ATP6V1E2: variants seen among roughly 807,000 people sequenced by gnomAD.
The protein encoded by ATP6V1E2 is ATPase H+ transporting V1 subunit E2, also known as V-type proton ATPase subunit E 2.
For synonymous variants in ATP6V1E2, 121 were observed against 104.2 expected (o/e 1.16, Z -0.98); for missense variants, 308 against 273.3 (o/e 1.13, Z -0.90).
intron 4 of ATP6V1E2, among the ~76,000 whole-genome samples, chr2:46,532,395 T>C (rs917133391): frequency 2.6e-5 from 4 of 152,100 alleles, no homozygotes; most frequent in Admixed American, 2.6e-4. Context: ...TTTGCTTTAT[T>C]TATGTATTTA....
At chr2:46,540,414 G>C (rs1181674310) in intron 2 of ATP6V1E2, among the ~76,000 whole-genome samples, 2 of 130,370 alleles carry the variant, frequency 1.5e-5, no homozygotes, top group Non-Finnish European at 3.1e-5. Flanking sequence ...GAGTGACAGA[G>C]AGACAGAGCA....
intron 2 of ATP6V1E2, among the ~76,000 whole-genome samples, chr2:46,540,911 G>T (rs1572725894): frequency 6.6e-6 from 1 of 152,076 alleles, no homozygotes; most frequent in Admixed American, 6.5e-5. Flanking sequence ...TTCCCCACTG[G>T]GAATGCTATG....
intron 4 of ATP6V1E2, among the ~76,000 whole-genome samples, chr2:46,516,493 G>C (rs1687715526): frequency 6.6e-6 from 1 of 152,224 alleles, no homozygotes; most frequent in Non-Finnish European, 1.5e-5. Context: ...CACTTTGGGA[G>C]GCTGAAGCAG....
chr2:46,520,684 C>G (rs1022041136), intron 4 of ATP6V1E2, among the ~76,000 whole-genome samples: 2 of 152,200 alleles, frequency 1.3e-5, no homozygotes, highest in African/African-American at 2.4e-5. Context: ...GGTCTGTTTT[C>G]CAGATACAAT....
At chr2:46,529,065 G>A (rs1667061388) in intron 4 of ATP6V1E2, among the ~76,000 whole-genome samples, 1 of 152,208 alleles carries the variant, frequency 6.6e-6, no homozygotes. Context: ...AGGAGCCCTG[G>A]GAAATAGCCC....
rs1469739618 is a variant in ATP6V1E2, at chr2:46,542,557, G to T, written c.-714C>A. 6.8e-6 allele frequency: 1 copy of T among 147,970 alleles called. No individual in the cohort carries two copies. Among genetic ancestry groups the T allele is most frequent in the Non-Finnish European group, 1.5e-5 (1 of 66,748 alleles). 9.2% of individuals were successfully genotyped at this position (147,970 alleles called of 1,614,324 possible). ...GGCTCGGGTGCGCCGGCAGGGCCGCGCGGCGGCAGCAGGCGGGGGCGCGTG... is the reference window on the plus strand; with the variant it reads ...GGCTCGGGTGCGCCGGCAGGGCCGCTCGGCGGCAGCAGGCGGGGGCGCGTG... On this transcript the variant is annotated 5_prime_UTR_variant, in exon 1 of 5. Coordinates refer to ENST00000522587, the MANE Select transcript of ATP6V1E2 (RefSeq NM_001318063.2).
intron 4 of ATP6V1E2, among the ~76,000 whole-genome samples, chr2:46,515,426 C>A (rs6719054): frequency 0.51 from 78,082 of 152,002 alleles, 20,356 homozygotes; most frequent in East Asian, 0.81. Flanking sequence ...AATTCATCAG[C>A]TTAAAGTAGA....
chr2:46,521,543 G>A (rs955167151), intron 4 of ATP6V1E2, among the ~76,000 whole-genome samples: 9 of 152,180 alleles, frequency 5.9e-5, no homozygotes, highest in African/African-American at 2.2e-4. Flanking sequence ...GGAAGGAGGA[G>A]AAGGGGCTTT....
intron 2 of ATP6V1E2, among the ~76,000 whole-genome samples, chr2:46,536,971 T>C (rs1377497407): frequency 6.6e-6 from 1 of 152,020 alleles, no homozygotes; most frequent in Non-Finnish European, 1.5e-5. Context: ...TTAGCGGAGA[T>C]GGGGTTTCAC....
intron 3 of ATP6V1E2, 42 bp downstream of exon 3, chr2:46,536,569 C>A (rs1667456138): frequency 1.3e-5 from 2 of 152,286 alleles, no homozygotes; most frequent in Non-Finnish European, 2.9e-5. Flanking sequence ...AACAGCAGGG[C>A]AGCACCAGTG....
intron 2 of ATP6V1E2, among the ~76,000 whole-genome samples, chr2:46,536,974 G>T (rs1449297804): frequency 2.0e-5 from 3 of 151,962 alleles, no homozygotes; most frequent in African/African-American, 7.3e-5. Flanking sequence ...GCGGAGATGG[G>T]GTTTCACCAT....
At chr2:46,526,108 C>T (rs1296431862) in intron 4 of ATP6V1E2, among the ~76,000 whole-genome samples, 1 of 152,008 alleles carries the variant, frequency 6.6e-6, no homozygotes, top group East Asian at 1.9e-4. Context: ...TTTAAGTGTA[C>T]ATTATTTATT....
At position 46,511,939 on chromosome 2, in the gene ATP6V1E2, C is replaced by G; in HGVS notation, c.*92G>C. On this transcript the variant is annotated 3_prime_UTR_variant, in exon 5 of 5. Transcript: ENST00000522587. The stretch of plus-strand genomic sequence containing the variant: ...GAAAAACAGAACAGTATCAGAGCAT[C>G]AAAGAGGAGGAAACACTACTAGTTT... The G allele has an allele frequency of 8.6e-7, 1 of 1,160,644 alleles. No homozygotes were observed. Among genetic ancestry groups the G allele is most frequent in the Non-Finnish European group, 1.2e-6 (1 of 825,204 alleles). The allele number at this position is 1,160,644 out of a possible 1,614,324, so 71.9% of individuals were successfully genotyped here.
rs563577054 is a variant in ATP6V1E2 at position 46,512,646 on chromosome 2, T to C, written c.66A>G (p.Glu22=). ...IKHMMAFIEQ[E]ANEKAEEIDA... is the part of the protein sequence containing the mutation. ...CGATTTCCTCTGCTTTCTCATTGGC[T>C]TCCTGCTCAATGAAAGCCATCATGT... The change falls in exon 5 of 5, where the codon GAA becomes GAG. Residue 22 remains glutamate, a synonymous_variant. Coordinates refer to ENST00000522587, the MANE Select transcript of ATP6V1E2 (RefSeq NM_001318063.2). 2.8e-5 allele frequency: 45 copies of C among 1,614,218 alleles called. 1 individual carries two copies. The South Asian group carries it at 4.0e-4, about 14-fold the overall frequency.
intron 4 of ATP6V1E2, among the ~76,000 whole-genome samples, chr2:46,525,325 A>C (rs564516714): frequency 1.3e-5 from 2 of 151,066 alleles, no homozygotes; most frequent in Non-Finnish European, 3.0e-5. Context: ...AGCCGGGCGC[A>C]GTGGCGGGCG....
At chr2:46,513,022 A>T (rs906210425) in intron 4 of ATP6V1E2, among the ~76,000 whole-genome samples, 6 of 152,248 alleles carry the variant, frequency 3.9e-5, no homozygotes, top group Non-Finnish European at 8.8e-5. Flanking sequence ...ATTGTTATCA[A>T]ATAATAATGA....
chr2:46,517,347 G>A (rs1687759622), intron 4 of ATP6V1E2, among the ~76,000 whole-genome samples: 1 of 152,144 alleles, frequency 6.6e-6, no homozygotes. Context: ...ATTGATTGAA[G>A]ACTTAAATGT....
rs779277750 is a variant in ATP6V1E2 at position 46,536,787 on chromosome 2, C to CT, written c.-309-85dup. ...TAACATTTGCCTCTCTCCTAAACTT[C>CT]TTTTTTTTTTTTTTGAGACAGTGTC... On this transcript the variant is annotated intron_variant, in intron 2 of 4. Transcript: ENST00000522587. The CT allele has an allele frequency of 8.4e-3, 1,214 of 144,834 alleles. 10 individuals are homozygous for CT. The highest frequency in any genetic ancestry group is 0.029 in the Middle Eastern group (8 of 278). The allele number at this position is 144,834 out of a possible 1,614,324, so 9.0% of individuals were successfully genotyped here.
rs1025062474 is a variant in ATP6V1E2 at position 46,512,773 on chromosome 2, G to C, written c.-62C>G. On this transcript the variant is annotated 5_prime_UTR_variant, in exon 5 of 5. Coordinates refer to ENST00000522587, the MANE Select transcript of ATP6V1E2 (RefSeq NM_001318063.2). ...TACACCGTTTGGCTCCTTTGACTTAGGACAATTTCAGGAGTGTCTCTGGAG... is the reference window on the plus strand; with the variant it reads ...TACACCGTTTGGCTCCTTTGACTTACGACAATTTCAGGAGTGTCTCTGGAG... 4.9e-6 allele frequency: 7 copies of C among 1,439,174 alleles called. No individual in the cohort carries two copies. The highest frequency in any genetic ancestry group is 1.9e-6 in the Non-Finnish European group (2 of 1,069,232). 89.2% of individuals were successfully genotyped at this position (1,439,174 alleles called of 1,614,324 possible).
Sources: gnomAD v4.1 joint callset for allele counts (sites outside exome capture counted in the v4.1 genomes callset) on GRCh38, gnomAD v4.1.1 for gene constraint, MANE v1.5 for transcripts, NCBI Gene and HGNC (gene_info 2026-07-23, HGNC 2026-07-21) for gene names.